TSNARE1: variants seen among roughly 807,000 people sequenced by gnomAD.
The protein encoded by TSNARE1 is t-SNARE domain-containing protein 1.
In TSNARE1, 49 loss-of-function variants were observed where a neutral mutation model predicts 62.0. The ratio of observed to expected loss-of-function variants is 0.79; its 90% CI spans 0.63 to 1.00. The LOEUF (loss-of-function observed/expected upper bound fraction) is 1.00. Among genes scored for constraint, TSNARE1 ranks in the 50% least tolerant of loss-of-function variants. The probability of loss-of-function intolerance (pLI) is 0.00; values close to 1 mark genes in which losing one functional copy is unlikely to be tolerated. For synonymous variants in TSNARE1, 328 were observed against 294.4 expected (o/e 1.11, Z -1.17); for missense variants, 755 against 700.1 (o/e 1.08, Z -0.88).
chr8:142,374,207 G>C (rs1836134595), intron 1 of TSNARE1, among the ~76,000 whole-genome samples: 1 of 151,880 alleles, frequency 6.6e-6, no homozygotes, highest in Non-Finnish European at 1.5e-5. Context: ...GGGAGGCTGA[G>C]GCAGGAGAAT....
intron 7 of TSNARE1, 23 bp downstream of exon 7, chr8:142,318,521 A>C: frequency 6.2e-7 from 1 of 1,608,386 alleles, no homozygotes; most frequent in Non-Finnish European, 8.5e-7. Flanking sequence ...CCTCCCTCCC[A>C]GCCCCAGACC....
Position 142,346,471 on chromosome 8 carries a change from A to G in TSNARE1, c.89-579T>C, listed in dbSNP as rs142752745. Reference sequence around the variant, plus strand: ...AATTATTTCCATTTGTTCACAAAACATTTCTGGACACATTTCATTGAAATT... The same window carrying G: ...AATTATTTCCATTTGTTCACAAAACGTTTCTGGACACATTTCATTGAAATT... On this transcript the variant is annotated intron_variant, in intron 2 of 13. Transcript: ENST00000524325. 2.2e-4 allele frequency among the ~76,000 whole-genome samples: 34 copies of G among 152,358 alleles called. No homozygotes were observed. In the Middle Eastern group the frequency reaches 0.014, roughly 61 times the overall value.
intron 1 of TSNARE1, among the ~76,000 whole-genome samples, chr8:142,357,405 G>A (rs978036601): frequency 1.3e-5 from 2 of 152,220 alleles, no homozygotes; most frequent in African/African-American, 4.8e-5. Context: ...TCAAATGATG[G>A]TGGGGCGCTG....
chr8:142,229,306 A>G (rs1236274685), intron 13 of TSNARE1, among the ~76,000 whole-genome samples, 167 bp downstream of exon 13: 1 of 150,856 alleles, frequency 6.6e-6, no homozygotes, highest in African/African-American at 2.4e-5. Flanking sequence ...GGATGGATGG[A>G]TGGTGGATGG....
intron 1 of TSNARE1, among the ~76,000 whole-genome samples, chr8:142,356,980 G>A (rs1179969668): frequency 2.6e-5 from 4 of 152,194 alleles, no homozygotes; most frequent in Admixed American, 6.5e-5. Flanking sequence ...GAGGAGCACC[G>A]AGAAGCCAAC....
chr8:142,342,838 C>G (rs1832768038), intron 4 of TSNARE1, among the ~76,000 whole-genome samples: 1 of 149,584 alleles, frequency 6.7e-6, no homozygotes, highest in Non-Finnish European at 1.5e-5. Context: ...GTCCGGACAC[C>G]TGTTCCAGCA....
At chr8:142,367,312 C>G (rs752406509) in intron 1 of TSNARE1, among the ~76,000 whole-genome samples, 9 of 152,206 alleles carry the variant, frequency 5.9e-5, no homozygotes, top group Non-Finnish European at 1.3e-4. Flanking sequence ...TGGGAAAACG[C>G]TAAACAAAAT....
At chr8:142,376,222 T>C (rs375615247) in intron 1 of TSNARE1, among the ~76,000 whole-genome samples, 22 of 152,126 alleles carry the variant, frequency 1.4e-4, no homozygotes, top group African/African-American at 5.1e-4. Context: ...CAAGGGTGTG[T>C]CTCACGCAGT....
At chr8:142,270,273 C>A (rs1394085858) in intron 12 of TSNARE1, 6 of 985,282 alleles carry the variant, frequency 6.1e-6, no homozygotes, top group Non-Finnish European at 7.2e-6. Context: ...TCTGAAGACG[C>A]AGGGAAGTGC....
intron 1 of TSNARE1, among the ~76,000 whole-genome samples, chr8:142,361,356 C>T (rs1271231562): frequency 1.3e-5 from 2 of 152,212 alleles, no homozygotes; most frequent in East Asian, 1.9e-4. Context: ...CCAGAGGCCC[C>T]GACAACTTGG....
intron 1 of TSNARE1, 22 bp from the exon 2 acceptor site, chr8:142,354,785 G>A: frequency 1.5e-6 from 2 of 1,315,768 alleles, no homozygotes; most frequent in South Asian, 1.2e-5. Flanking sequence ...ACGAAAAGCA[G>A]GGGGAAGAGG....
rs192675323 is a variant in TSNARE1 at position 142,243,433 on chromosome 8, C to T, written c.1447-13854G>A. 9.9e-5 allele frequency among the ~76,000 whole-genome samples: 15 copies of T among 152,278 alleles called. No homozygotes were observed. In the East Asian group the frequency reaches 2.7e-3, roughly 27 times the overall value. Reference sequence around the variant, plus strand: ...GATTCAGCTTCTTAAAGAAGGAAATCCTCTCATTCGTGACAACGTGGAGGC... The same window carrying T: ...GATTCAGCTTCTTAAAGAAGGAAATTCTCTCATTCGTGACAACGTGGAGGC... On this transcript the variant is annotated intron_variant, in intron 12 of 13. Transcript: ENST00000524325.
intron 12 of TSNARE1, among the ~76,000 whole-genome samples, chr8:142,264,807 G>A (rs1298670831): frequency 1.3e-5 from 2 of 152,114 alleles, no homozygotes; most frequent in East Asian, 3.9e-4. Flanking sequence ...TGCCTCTCTT[G>A]TCAATAGTAA....
chr8:142,240,281 C>T (rs1385862373), intron 12 of TSNARE1, among the ~76,000 whole-genome samples: 1 of 152,212 alleles, frequency 6.6e-6, no homozygotes, highest in Non-Finnish European at 1.5e-5. Flanking sequence ...CTGAAAGGTT[C>T]ACTTCACCAA....
chr8:142,271,702 G>A (rs1446298304), intron 12 of TSNARE1: 10 of 1,360,428 alleles, frequency 7.4e-6, no homozygotes, highest in Non-Finnish European at 9.5e-6. Flanking sequence ...CTAACAGAGG[G>A]AGACAGGAAA....
rs918296555 is a variant in TSNARE1 at position 142,275,437 on chromosome 8, G to C, written c.1364-574C>G. ...GGAAAAGCCGGGCTCGGTGGCTGCA[G>C]CAGTGCCACCCAGGGAAGCCACATC... is the stretch of plus-strand genomic sequence containing the variant. On this transcript the variant is annotated intron_variant, in intron 11 of 13. Transcript: ENST00000524325. 3.0e-6 allele frequency: 3 copies of C among 985,198 alleles called. No homozygotes were observed. In the African/African-American group the frequency reaches 5.2e-5, roughly 17 times the overall value. The allele number at this position is 985,198 out of a possible 1,614,324, so 61.0% of individuals were successfully genotyped here. A position where few individuals can be genotyped will look rare whatever the true frequency, so the allele number is the denominator to read the frequency against.
chr8:142,216,279 A>C (rs1481531998), intron 13 of TSNARE1, among the ~76,000 whole-genome samples: 1 of 151,898 alleles, frequency 6.6e-6, no homozygotes, highest in Non-Finnish European at 1.5e-5. Flanking sequence ...TGCTGGGGAG[A>C]TCTTTGGATT....
intron 9 of TSNARE1, among the ~76,000 whole-genome samples, chr8:142,309,008 C>A (rs1400430556): frequency 3.3e-5 from 5 of 152,126 alleles, no homozygotes; most frequent in African/African-American, 1.2e-4. Context: ...AATGTAGAGG[C>A]CTTAAACCGC....
chr8:142,353,437 G>T (rs1182430642), intron 2 of TSNARE1, among the ~76,000 whole-genome samples: 1 of 152,214 alleles, frequency 6.6e-6, no homozygotes, highest in Non-Finnish European at 1.5e-5. Flanking sequence ...TGGGCAGGAA[G>T]GATGAGGGCA....
Sources: gnomAD v4.1 joint callset for allele counts (sites outside exome capture counted in the v4.1 genomes callset) on GRCh38, gnomAD v4.1.1 for gene constraint, MANE v1.5 for transcripts, NCBI Gene and HGNC (gene_info 2026-07-23, HGNC 2026-07-21) for gene names.